The following NRXN1 variants were observed in gnomAD, a reference collection of about 807,000 sequenced individuals.
NRXN1 encodes the protein neurexin-1.
Under a neutral mutation model 150.9 loss-of-function variants are expected in NRXN1, and 39 were observed. That is an observed-to-expected ratio of 0.26 (90% confidence interval 0.20 to 0.34). The LOEUF (loss-of-function observed/expected upper bound fraction) is 0.34. Ranked by LOEUF, NRXN1 falls within the 10% of genes least tolerant of loss-of-function variation. The pLI, the probability that NRXN1 is intolerant of heterozygous loss-of-function variation, is 1.00. For synonymous variants in NRXN1, 924 were observed against 757.0 expected, an observed-to-expected ratio of 1.22 and a Z score of -3.62; for missense variants, 1,815 against 1,949.9, an observed-to-expected ratio of 0.93 and a Z score of 1.30.
At chr2:50,329,613 GTGTGTATATATATATATATATATATATA>G (rs2076643976) in intron 17 of NRXN1, among the ~76,000 whole-genome samples, 2 of 18,696 alleles carry the variant, frequency 1.1e-4, no homozygotes, top group Non-Finnish European at 1.9e-4. Context: ...GTGTGTGTGT[GTGTGTATATATATATATATATATATATA>G]TATATATATA....
At chr2:50,774,401 T>G (rs764820153) in intron 5 of NRXN1, among the ~76,000 whole-genome samples, 7 of 152,180 alleles carry the variant, frequency 4.6e-5, no homozygotes, top group Admixed American at 6.5e-5. Flanking sequence ...TATTTCAGTT[T>G]CTTTAACCTA....
intron 5 of NRXN1, among the ~76,000 whole-genome samples, chr2:50,673,374 T>C (rs574035828): frequency 4.8e-4 from 73 of 152,250 alleles, no homozygotes; most frequent in African/African-American, 1.3e-3. Flanking sequence ...GAAAATAATA[T>C]GAAGCCAGAG....
intron 8 of NRXN1, among the ~76,000 whole-genome samples, chr2:50,593,795 G>A (rs186020616): frequency 1.3e-5 from 2 of 152,010 alleles, no homozygotes. Context: ...ACATATCTAG[G>A]CTGTTAAAAA....
At chr2:50,786,330 T>C (rs1002349934) in intron 5 of NRXN1, among the ~76,000 whole-genome samples, 2 of 152,198 alleles carry the variant, frequency 1.3e-5, no homozygotes, top group African/African-American at 4.8e-5. Context: ...TATTCCTCTT[T>C]ATAGCAAATT....
intron 21 of NRXN1, chr2:49,969,825 C>G (rs963329148): frequency 6.6e-6 from 1 of 152,046 alleles, no homozygotes; most frequent in African/African-American, 2.4e-5. Flanking sequence ...TTTCCCCATA[C>G]TGTTAAGCCT....
chr2:50,025,405 T>C (rs901156289), intron 21 of NRXN1, among the ~76,000 whole-genome samples: 1 of 152,116 alleles, frequency 6.6e-6, no homozygotes, highest in Non-Finnish European at 1.5e-5. Context: ...GAGTTAGAGA[T>C]GAGGAGTCAG....
intron 18 of NRXN1, among the ~76,000 whole-genome samples, chr2:50,227,233 C>T (rs1192497059): frequency 5.3e-5 from 8 of 150,944 alleles, no homozygotes; most frequent in Admixed American, 4.6e-4. Context: ...TTTGCTTTGT[C>T]CTGGAGAAGT....
At chr2:50,444,513 C>G (rs2086233008) in intron 17 of NRXN1, among the ~76,000 whole-genome samples, 1 of 152,104 alleles carries the variant, frequency 6.6e-6, no homozygotes. Context: ...ATCAAGCCAA[C>G]TTCAAGAAGC....
chr2:50,646,996 T>A lies in NRXN1; in HGVS notation c.833-23381A>T, dbSNP rs535948319. ...AAGATGTAAAAGATCCACTCAAAAC[T>A]CAAGCATTATATTGTTTGAGAGGGC... On this transcript the variant is annotated intron_variant, in intron 5 of 22. Coordinates refer to ENST00000401669, the MANE Select transcript of NRXN1 (RefSeq NM_001330078.2). 7.2e-5 allele frequency among the ~76,000 whole-genome samples: 11 copies of A among 151,760 alleles called. No individual in the cohort carries two copies. The South Asian group carries it at 2.3e-3, about 32-fold the overall frequency.
rs373760708 is a variant in NRXN1, at chr2:50,745,306, C to CG, written c.833-121692_833-121691insC. ...ATTTTTATATTTATATCTGCCCCCC[C>CG]CCAGGACTGAAAAAAAACCACTTTA... is the stretch of plus-strand genomic sequence containing the variant. On this transcript the variant is annotated intron_variant, in intron 5 of 22. Coordinates refer to ENST00000401669, the MANE Select transcript of NRXN1 (RefSeq NM_001330078.2). Among the ~76,000 whole-genome samples, 508 of 147,532 alleles carry CG rather than the reference C, an allele frequency of 3.4e-3. 6 individuals are homozygous for CG. The highest frequency in any genetic ancestry group is 0.011 in the African/African-American group (459 of 40,064).
At chr2:50,249,135 C>T (rs769387079) in intron 17 of NRXN1, among the ~76,000 whole-genome samples, 28 of 143,616 alleles carry the variant, frequency 1.9e-4, no homozygotes, top group Non-Finnish European at 1.8e-4. Flanking sequence ...CCACCCTGGA[C>T]AACAAAGTGA....
At chr2:50,456,870 C>A (rs1438560424) in intron 17 of NRXN1, among the ~76,000 whole-genome samples, 1 of 152,072 alleles carries the variant, frequency 6.6e-6, no homozygotes, top group African/African-American at 2.4e-5. Flanking sequence ...TCTGCCTCAA[C>A]AACTGTATAA....
At chr2:50,080,799 G>T (rs940911580) in intron 19 of NRXN1, among the ~76,000 whole-genome samples, 3 of 152,124 alleles carry the variant, frequency 2.0e-5, no homozygotes, top group Non-Finnish European at 4.4e-5. Context: ...CACCCAGAGG[G>T]CTATGTCAGT....
At chr2:50,351,051 A>G (rs2078374285) in intron 17 of NRXN1, among the ~76,000 whole-genome samples, 1 of 152,210 alleles carries the variant, frequency 6.6e-6, no homozygotes, top group African/African-American at 2.4e-5. Context: ...GGGCAAAAAC[A>G]TGAGTAATCT....
At chr2:50,642,234 G>A (rs565027439) in intron 5 of NRXN1, among the ~76,000 whole-genome samples, 1 of 151,942 alleles carries the variant, frequency 6.6e-6, no homozygotes, top group Admixed American at 6.6e-5. Flanking sequence ...ATTAGACAGG[G>A]ATCCAGTTTA....
At chr2:50,288,083 CAAAT>C (rs1420844189) in intron 17 of NRXN1, among the ~76,000 whole-genome samples, 1 of 152,066 alleles carries the variant, frequency 6.6e-6, no homozygotes, top group African/African-American at 2.4e-5. Context: ...AAAAAAAACT[CAAAT>C]AAATTTTTCT....
At chr2:50,796,915 GGGTCTGGTA>G (rs1706916181) in intron 5 of NRXN1, among the ~76,000 whole-genome samples, 1 of 152,098 alleles carries the variant, frequency 6.6e-6, no homozygotes, top group African/African-American at 2.4e-5. Flanking sequence ...GCAAAGTTTG[GGGTCTGGTA>G]AGAGTCCAGT....
At chr2:50,811,761 A>G (rs1266715438) in intron 5 of NRXN1, among the ~76,000 whole-genome samples, 1 of 152,176 alleles carries the variant, frequency 6.6e-6, no homozygotes, top group Non-Finnish European at 1.5e-5. Flanking sequence ...AAGAAGATAA[A>G]AATCTAATAG....
At chr2:50,362,335 T>G (rs1466166650) in intron 17 of NRXN1, among the ~76,000 whole-genome samples, 1 of 152,226 alleles carries the variant, frequency 6.6e-6, no homozygotes, top group South Asian at 2.1e-4. Context: ...CATGATTGTA[T>G]ATTTAGAAAA....
Sources: gnomAD v4.1 joint callset for allele counts (sites outside exome capture counted in the v4.1 genomes callset) on GRCh38, gnomAD v4.1.1 for gene constraint, MANE v1.5 for transcripts, NCBI Gene and HGNC (gene_info 2026-07-23, HGNC 2026-07-21) for gene names.